ZNF670: variants seen among roughly 807,000 people sequenced by gnomAD.
The protein encoded by ZNF670 is zinc finger protein 670.
Under a neutral mutation model 10.9 loss-of-function variants are expected in ZNF670, and 7 were observed. The ratio of observed to expected loss-of-function variants is 0.64; its 90% confidence interval spans 0.36 to 1.20. The LOEUF (loss-of-function observed/expected upper bound fraction) is 1.20. ZNF670 is among the 50% of genes most tolerant of loss of function. The probability of loss-of-function intolerance (pLI) is 0.02; values close to 1 mark genes in which losing one functional copy is unlikely to be tolerated. For synonymous variants in ZNF670, 136 were observed against 152.7 expected (o/e 0.89, Z 0.81); for missense variants, 446 against 458.6 (o/e 0.97, Z 0.25).
chr1:247,051,958 T>C (rs949536496), intron 1 of ZNF670, among the ~76,000 whole-genome samples: 12 of 151,828 alleles, frequency 7.9e-5, no homozygotes, highest in Non-Finnish European at 4.4e-5. Flanking sequence ...ATTGATGATA[T>C]GTGTTTGGAG....
intron 1 of ZNF670, among the ~76,000 whole-genome samples, chr1:247,044,977 T>A (rs957292723): frequency 6.6e-6 from 1 of 150,734 alleles, no homozygotes; most frequent in Admixed American, 6.6e-5. Context: ...AAAAGCAACA[T>A]TCACATTCAC....
chr1:247,072,826 ATATATATATATATG>A lies in ZNF670; in HGVS notation c.3+5754_3+5767del, dbSNP rs1180071121. Among the ~76,000 whole-genome samples the A allele has an allele frequency of 2.5e-4, 25 of 98,850 alleles. 1 individual carries two copies. Among genetic ancestry groups the A allele is most frequent in the African/African-American group, 1.1e-3 (20 of 18,994 alleles). The allele number at this position is 98,850 out of a possible 152,430, so 64.8% of individuals were successfully genotyped here. A position where few individuals can be genotyped will look rare whatever the true frequency, so the allele number is the denominator to read the frequency against. On this transcript the variant is annotated intron_variant, in intron 1 of 3. Coordinates refer to ENST00000366503, the MANE Select transcript of ZNF670 (RefSeq NM_033213.5). The stretch of plus-strand genomic sequence containing the variant: ...TGTGTATATATATATATATATATAT[ATATATATATATATG>A]CATACACACACATACACACACACAC...
Position 247,039,542 on chromosome 1 carries a change from A to G in ZNF670, c.4-5T>C, listed in dbSNP as rs1315670198. ...ATCTTCAAATGACACTGAATCCTAG[A>G]ATATCGCACATATGTGGAGAGGAGG... On this transcript the variant is annotated splice_polypyrimidine_tract_variant and splice_region_variant and intron_variant, in intron 1 of 3. Coordinates refer to ENST00000366503, the MANE Select transcript of ZNF670 (RefSeq NM_033213.5). The G allele has an allele frequency of 6.3e-7, 1 of 1,580,362 alleles. No homozygotes were observed. The highest frequency in any genetic ancestry group is 1.9e-5 in the Admixed American group (1 of 52,484).
chr1:247,063,743 T>C (rs1430813460), intron 1 of ZNF670, among the ~76,000 whole-genome samples: 1 of 152,092 alleles, frequency 6.6e-6, no homozygotes, highest in Non-Finnish European at 1.5e-5. Flanking sequence ...GGAGAACCAG[T>C]GACCCCACGG....
chr1:247,076,166 T>A lies in ZNF670; in HGVS notation c.3+2428A>T, dbSNP rs181424283. Among the ~76,000 whole-genome samples, 199 of 152,212 alleles carry A rather than the reference T, an allele frequency of 1.3e-3. 1 individual carries two copies. Among genetic ancestry groups the A allele is most frequent in the Non-Finnish European group, 2.2e-3 (153 of 68,030 alleles). Reference sequence around the variant, plus strand: ...GAGTCAGGTCAGGTCACTGCATCACTTTGGAGATCCTCACAGGCCCATTCT... The same window carrying A: ...GAGTCAGGTCAGGTCACTGCATCACATTGGAGATCCTCACAGGCCCATTCT... On this transcript the variant is annotated intron_variant, in intron 1 of 3. Transcript: ENST00000366503.
At chr1:247,069,977 T>A (rs1671078100) in intron 1 of ZNF670, among the ~76,000 whole-genome samples, 1 of 152,050 alleles carries the variant, frequency 6.6e-6, no homozygotes, top group African/African-American at 2.4e-5. Context: ...ATTGTACACT[T>A]TAAAGCAACT....
chr1:247,078,531 G>A, intron 1 of ZNF670, 63 bp downstream of exon 1: 1 of 1,607,528 alleles, frequency 6.2e-7, no homozygotes, highest in Non-Finnish European at 8.5e-7. Context: ...GTCCGGGTTC[G>A]CCACAACCGC....
rs1034181442 is a variant in ZNF670 at position 247,037,239 on chromosome 1, C to T, written c.*210G>A. The stretch of plus-strand genomic sequence containing the variant: ...AAATAAAGTGTTCTAACACATTTTT[C>T]GTATTTTATGACGTTCTTTCCCAGG... On this transcript the variant is annotated 3_prime_UTR_variant, in exon 4 of 4. Coordinates refer to ENST00000366503, the MANE Select transcript of ZNF670 (RefSeq NM_033213.5). The T allele has an allele frequency of 6.2e-6, 3 of 484,026 alleles. No individual in the cohort carries two copies. Among genetic ancestry groups the T allele is most frequent in the African/African-American group, 4.0e-5 (2 of 50,546 alleles). 30.0% of individuals were successfully genotyped at this position (484,026 alleles called of 1,614,324 possible). A position where few individuals can be genotyped will look rare whatever the true frequency, so the allele number is the denominator to read the frequency against.
rs746978429 is a variant in ZNF670 at position 247,037,842 on chromosome 1, G to C, written c.777C>G (p.Gly259=). Residue 259 remains glycine (G), a synonymous_variant, in exon 4 of 4, where the codon GGC becomes GGG. Coordinates refer to ENST00000366503, the MANE Select transcript of ZNF670 (RefSeq NM_033213.5). The stretch of plus-strand genomic sequence containing the variant: ...AGTAAGTGGAACGACTGAAGGCTTT[G>C]CCACATTCCTTACATTCATAGGGTT... ...GEKPYECKEC[G]KAFSRSTYLG... is the part of the protein sequence containing the mutation. The C allele has an allele frequency of 1.2e-6, 2 of 1,612,936 alleles. No individual in the cohort carries two copies. Among genetic ancestry groups the C allele is most frequent in the Non-Finnish European group, 1.7e-6 (2 of 1,179,736 alleles).
intron 1 of ZNF670, among the ~76,000 whole-genome samples, chr1:247,076,252 G>A (rs1226583975): frequency 6.6e-6 from 1 of 150,490 alleles, no homozygotes; most frequent in Non-Finnish European, 1.5e-5. Context: ...CCCACTGTGT[G>A]CTTGAATTTT....
intron 1 of ZNF670, among the ~76,000 whole-genome samples, chr1:247,044,473 A>T (rs1172931512): frequency 1.3e-5 from 2 of 152,228 alleles, no homozygotes; most frequent in Non-Finnish European, 2.9e-5. Context: ...CCAAAGGAAT[A>T]TAAGTTGTTC....
chr1:247,049,783 G>A (rs1349777386), intron 1 of ZNF670, among the ~76,000 whole-genome samples: 2 of 152,204 alleles, frequency 1.3e-5, no homozygotes, highest in East Asian at 1.9e-4. Context: ...TGACCCAACA[G>A]TCAGTCATTC....
chr1:247,038,263 T>C lies in ZNF670; in HGVS notation c.356A>G (p.His119Arg), dbSNP rs1670214559. The part of the protein sequence containing the change: ...GKVFICHSAL[H>R]RHILSHIGNK... ...TCCAATGTGAGACAGGATGTGCCTA[T>C]GAAGGGCTGAATGACATATGAAGAC... The change falls in exon 4 of 4, where the codon CAT (histidine) becomes CGT (arginine). Residue 119 changes from histidine to arginine, a missense_variant. Coordinates refer to ENST00000366503, the MANE Select transcript of ZNF670 (RefSeq NM_033213.5). The C allele has an allele frequency of 5.6e-6, 9 of 1,614,082 alleles. No homozygotes were observed. The highest frequency in any genetic ancestry group is 7.6e-6 in the Non-Finnish European group (9 of 1,180,014).
chr1:247,053,971 C>T (rs1670658192), intron 1 of ZNF670, among the ~76,000 whole-genome samples: 1 of 152,242 alleles, frequency 6.6e-6, no homozygotes, highest in Non-Finnish European at 1.5e-5. Flanking sequence ...GCCAACACCA[C>T]CCTTCCTCCA....
At chr1:247,068,319 C>CAAAAAAAAAAAAAAAAA (rs74163724) in intron 1 of ZNF670, among the ~76,000 whole-genome samples, 678 of 55,072 alleles carry the variant, frequency 0.012, 34 homozygotes, top group Middle Eastern at 0.032. Context: ...ATTCTGTCTC[C>CAAAAAAAAAAAAAAAAA]AAAAAAAAAA....
intron 1 of ZNF670, 143 bp downstream of exon 1, chr1:247,078,451 T>G (rs2103076938): frequency 9.5e-7 from 1 of 1,052,302 alleles, no homozygotes; most frequent in South Asian, 1.6e-5. Flanking sequence ...TGGCTGCGGG[T>G]CCAGCCCCGC....
At chr1:247,067,613 C>CAGTAGATCACTT (rs1553322770) in intron 1 of ZNF670, among the ~76,000 whole-genome samples, 2 of 149,804 alleles carry the variant, frequency 1.3e-5, no homozygotes, top group East Asian at 2.0e-4. Flanking sequence ...GAGGCCGAGG[C>CAGTAGATCACTT]GGGCGGATCA....
rs994812472 is a variant in ZNF670, at chr1:247,034,661, C to A, written c.*2788G>T. On this transcript the variant is annotated 3_prime_UTR_variant, in exon 4 of 4. Coordinates refer to ENST00000366503, the MANE Select transcript of ZNF670 (RefSeq NM_033213.5). Reference sequence around the variant, plus strand: ...GTCTTGCACAAGTCATCTTGTTACACAATTAGGTGACATGCTTAATTCTCC... The same window carrying A: ...GTCTTGCACAAGTCATCTTGTTACAAAATTAGGTGACATGCTTAATTCTCC... 1.3e-5 allele frequency among the ~76,000 whole-genome samples: 2 copies of A among 152,184 alleles called. No individual in the cohort carries two copies. The highest frequency in any genetic ancestry group is 1.5e-5 in the Non-Finnish European group (1 of 68,036).
intron 1 of ZNF670, among the ~76,000 whole-genome samples, chr1:247,051,079 C>T (rs536470485): frequency 2.0e-5 from 3 of 151,526 alleles, no homozygotes; most frequent in South Asian, 2.1e-4. Context: ...GAGGCCGAGG[C>T]GGGTGGATCA....
Sources: allele counts gnomAD v4.1 joint callset (sites outside exome capture counted in the v4.1 genomes callset), GRCh38; gene constraint gnomAD v4.1.1; transcripts MANE v1.5; gene names NCBI Gene and HGNC (gene_info 2026-07-23, HGNC 2026-07-21).